ATXN1: variants seen among roughly 807,000 people sequenced by gnomAD.
ATXN1 encodes the protein ataxin 1.
In ATXN1, 8 loss-of-function variants were observed where a neutral mutation model predicts 56.4. That is an observed-to-expected ratio of 0.14 (90% CI 0.08 to 0.26). The LOEUF is 0.26. Ranked by LOEUF, ATXN1 falls within the 10% of genes least tolerant of loss-of-function variation. ATXN1 has a pLI of 1.00. For missense variants in ATXN1, 987 were observed against 1,106.5 expected (o/e 0.89, Z 1.53); for synonymous variants, 514 against 494.6 (o/e 1.04, Z -0.52).
chr6:16,695,358 T>A (rs752062089), intron 2 of ATXN1, among the ~76,000 whole-genome samples: 3 of 152,240 alleles, frequency 2.0e-5, no homozygotes, highest in Non-Finnish European at 4.4e-5. Flanking sequence ...TTTTGATGCA[T>A]GCATAAAAAT....
At chr6:16,630,870 GT>G (rs1763491613) in intron 3 of ATXN1, among the ~76,000 whole-genome samples, 1 of 152,118 alleles carries the variant, frequency 6.6e-6, no homozygotes, top group African/African-American at 2.4e-5. Context: ...TATTAGAGAG[GT>G]TTCATTATGT....
chr6:16,349,882 T>C (rs1761531407), intron 6 of ATXN1, among the ~76,000 whole-genome samples: 2 of 152,384 alleles, frequency 1.3e-5, no homozygotes, highest in Admixed American at 1.3e-4. Flanking sequence ...TCCTTTGGTA[T>C]AAATAGAAGC....
chr6:16,713,760 A>G (rs1442033947), intron 2 of ATXN1, among the ~76,000 whole-genome samples: 2 of 152,250 alleles, frequency 1.3e-5, no homozygotes, highest in African/African-American at 4.8e-5. Context: ...CCCTAGAACT[A>G]TTAAATCAGA....
At chr6:16,502,852 T>G (rs1377985053) in intron 5 of ATXN1, among the ~76,000 whole-genome samples, 1 of 152,226 alleles carries the variant, frequency 6.6e-6, no homozygotes, top group Non-Finnish European at 1.5e-5. Context: ...AGTAGTATAA[T>G]GAAAATATCC....
Position 16,306,478 on chromosome 6 carries a change from C to G in ATXN1, c.2299G>C (p.Ala767Pro). The change falls in exon 8 of 8, where the codon GCG becomes CCG. Residue 767 changes from alanine to proline, a missense_variant. Ala to Pro is a conservative substitution (Grantham distance 27). Coordinates refer to ENST00000436367, the MANE Select transcript of ATXN1 (RefSeq NM_001128164.2). This position sits in a 1 kb window ranked among gnomAD's most constrained non-coding sequence, Gnocchi z 5.2. ...GACCACCTCCTCTTCCTCGTTGCCG[C>G]GGGCTTGCTGGGTTCTATTTTGGTG... Reference protein sequence around the residue: ...FLTKIEPSKPAATRKRRWSAP... With the variant: ...FLTKIEPSKPPATRKRRWSAP... 1 of 1,614,172 alleles carries G rather than the reference C, an allele frequency of 6.2e-7. No individual in the cohort carries two copies. The highest frequency in any genetic ancestry group is 8.5e-7 in the Non-Finnish European group (1 of 1,180,040).
In ATXN1 at chr6:16,401,869, C is replaced by T. The variant is rs142695042; in HGVS notation, c.-160-73399G>A. ...TTTATGCTGTTGATAAAGACATACC[C>T]GAGACTGAGCAATTTACAAAAGAAA... On this transcript the variant is annotated intron_variant, in intron 6 of 7. Coordinates refer to ENST00000436367, the MANE Select transcript of ATXN1 (RefSeq NM_001128164.2). 3.8e-3 allele frequency among the ~76,000 whole-genome samples: 572 copies of T among 152,204 alleles called. 6 individuals are homozygous for T. The highest frequency in any genetic ancestry group is 0.013 in the African/African-American group (533 of 41,510).
At chr6:16,355,856 G>A (rs1234339285) in intron 6 of ATXN1, among the ~76,000 whole-genome samples, 4 of 152,090 alleles carry the variant, frequency 2.6e-5, no homozygotes, top group Non-Finnish European at 5.9e-5. Flanking sequence ...GAGGCACCAC[G>A]CCCAGCCCCT....
intron 6 of ATXN1, among the ~76,000 whole-genome samples, chr6:16,350,512 T>C (rs1034624163): frequency 7.9e-5 from 12 of 152,224 alleles, no homozygotes; most frequent in South Asian, 4.1e-4. Flanking sequence ...ATTTGATACC[T>C]CTCTCGCACT....
At chr6:16,652,428 T>A (rs1349639915) in intron 3 of ATXN1, among the ~76,000 whole-genome samples, 1 of 152,238 alleles carries the variant, frequency 6.6e-6, no homozygotes, top group Non-Finnish European at 1.5e-5. Flanking sequence ...TCTTTTAGAA[T>A]CATTTTTTTC....
Position 16,588,291 on chromosome 6 carries a change from G to A in ATXN1, c.-488-2384C>T, listed in dbSNP as rs148778351. ...CTTGGCTCCTGCCTAAGGCATTGCA[G>A]TGGCTTTCCATTTCTAAACATGGCC... is the stretch of plus-strand genomic sequence containing the variant. On this transcript the variant is annotated intron_variant, in intron 3 of 7. Transcript: ENST00000436367. Among the ~76,000 whole-genome samples, 31 of 152,322 alleles carry A rather than the reference G, an allele frequency of 2.0e-4. 1 individual carries two copies. The Middle Eastern group carries it at 0.017, about 84-fold the overall frequency.
intron 2 of ATXN1, chr6:16,667,612 C>G (rs1056178772): frequency 2.0e-5 from 3 of 152,278 alleles, no homozygotes; most frequent in African/African-American, 7.2e-5. Flanking sequence ...CAGCCCGAAT[C>G]CCCTGTTTAT....
intron 4 of ATXN1, among the ~76,000 whole-genome samples, chr6:16,560,618 T>TGG (rs1171251608): frequency 6.6e-6 from 1 of 152,062 alleles, no homozygotes; most frequent in East Asian, 1.9e-4. Context: ...TTCAGGGTAA[T>TGG]GGGCCAGCAA....
intron 6 of ATXN1, among the ~76,000 whole-genome samples, chr6:16,360,117 A>G (rs966422698): frequency 1.1e-4 from 16 of 152,234 alleles, no homozygotes; most frequent in African/African-American, 3.9e-4. Flanking sequence ...CATCAATTAT[A>G]TTAAATGCAG....
chr6:16,630,705 T>C (rs781617373), intron 3 of ATXN1, among the ~76,000 whole-genome samples: 2 of 152,132 alleles, frequency 1.3e-5, no homozygotes, highest in African/African-American at 2.4e-5. Flanking sequence ...ACTCATGCAA[T>C]CATAAACATT....
At chr6:16,559,478 C>T (rs1240392800) in intron 4 of ATXN1, among the ~76,000 whole-genome samples, 1 of 151,946 alleles carries the variant, frequency 6.6e-6, no homozygotes, top group African/African-American at 2.4e-5. Flanking sequence ...TTCTATGTTC[C>T]GATAAGAAAG....
chr6:16,389,453 G>T (rs1758308975), intron 6 of ATXN1, among the ~76,000 whole-genome samples: 2 of 152,006 alleles, frequency 1.3e-5, no homozygotes, highest in African/African-American at 4.8e-5. Context: ...GACAGATATT[G>T]CATTTACTGT....
chr6:16,558,553 T>C (rs561839838), intron 4 of ATXN1, among the ~76,000 whole-genome samples: 1 of 151,878 alleles, frequency 6.6e-6, no homozygotes, highest in African/African-American at 2.4e-5. Flanking sequence ...TATTATTATG[T>C]AAAAACAGGG....
At chr6:16,558,874 C>T (rs1198893963) in intron 4 of ATXN1, among the ~76,000 whole-genome samples, 1 of 151,560 alleles carries the variant, frequency 6.6e-6, no homozygotes, top group Non-Finnish European at 1.5e-5. Context: ...ACTAAAATAG[C>T]ATAAGACAAA....
At chr6:16,358,226 T>C (rs1246442940) in intron 6 of ATXN1, among the ~76,000 whole-genome samples, 1 of 152,184 alleles carries the variant, frequency 6.6e-6, no homozygotes, top group East Asian at 1.9e-4. Context: ...TGTAGACTAA[T>C]ACAACCACTA....
Sources: gnomAD v4.1 joint callset for allele counts (sites outside exome capture counted in the v4.1 genomes callset) on GRCh38, gnomAD v4.1.1 for gene constraint, Gnocchi (gnomAD v3.1) non-coding constraint, MANE v1.5 for transcripts, NCBI Gene and HGNC (gene_info 2026-07-23, HGNC 2026-07-21) for gene names.